Variants in SAMSN1 observed in about 807,000 individuals in gnomAD.
The protein encoded by SAMSN1 is SAM domain, SH3 domain and nuclear localization signals 1.
In SAMSN1, 31 loss-of-function variants were observed where a neutral mutation model predicts 42.0. The ratio of observed to expected loss-of-function variants is 0.74; its 90% CI spans 0.55 to 1.00. The LOEUF is 1.00. Among genes scored for constraint, SAMSN1 ranks in the 50% least tolerant of loss-of-function variants. The pLI is 0.00. For missense variants in SAMSN1, 464 were observed against 439.4 expected (o/e 1.06, Z -0.50); for synonymous variants, 178 against 151.9 (o/e 1.17, Z -1.26).
At chr21:14,509,127 C>G (rs145251845) in intron 5 of SAMSN1, among the ~76,000 whole-genome samples, 5 of 138,262 alleles carry the variant, frequency 3.6e-5, no homozygotes, top group Admixed American at 7.2e-5. Flanking sequence ...AAGAAAAAAA[C>G]AAAAGAAAAG....
intron 1 of SAMSN1, among the ~76,000 whole-genome samples, chr21:14,534,277 T>C (rs899038143): frequency 1.3e-5 from 2 of 152,152 alleles, no homozygotes; most frequent in Admixed American, 6.5e-5. Flanking sequence ...GTGGCCAAAG[T>C]GTTATAAAAA....
At chr21:14,521,709 G>T (rs115215748) in intron 1 of SAMSN1, among the ~76,000 whole-genome samples, 9 of 152,052 alleles carry the variant, frequency 5.9e-5, no homozygotes, top group African/African-American at 2.2e-4. Flanking sequence ...TGGGGCCTGT[G>T]GGGTGGAGGG....
At chr21:14,537,507 A>C (rs1253408999) in intron 1 of SAMSN1, among the ~76,000 whole-genome samples, 1 of 152,162 alleles carries the variant, frequency 6.6e-6, no homozygotes, top group African/African-American at 2.4e-5. Flanking sequence ...TGTATTGTCC[A>C]TAATAAGCAT....
chr21:14,566,606 T>G (rs1416056739), intron 2 of SAMSN1, among the ~76,000 whole-genome samples: 1 of 152,108 alleles, frequency 6.6e-6, no homozygotes, highest in Non-Finnish European at 1.5e-5. Context: ...GGTATGATTT[T>G]GGCTCACTAC....
intron 1 of SAMSN1, among the ~76,000 whole-genome samples, chr21:14,648,694 G>A (rs1983768214): frequency 1.3e-5 from 2 of 151,102 alleles, no homozygotes; most frequent in Non-Finnish European, 3.0e-5. Flanking sequence ...GGCCATCAGA[G>A]AAATGCAAAT....
chr21:14,636,841 G>A (rs527717739), intron 2 of SAMSN1, among the ~76,000 whole-genome samples: 7 of 152,138 alleles, frequency 4.6e-5, no homozygotes, highest in African/African-American at 1.4e-4. Flanking sequence ...TCCAGCCTGG[G>A]CGACAGAGCG....
chr21:14,643,927 A>G (rs921799717), intron 1 of SAMSN1, among the ~76,000 whole-genome samples: 1 of 152,162 alleles, frequency 6.6e-6, no homozygotes, highest in African/African-American at 2.4e-5. Context: ...GAAGAAAGAA[A>G]ACCCAGACCA....
At chr21:14,643,774 G>C (rs1983651291) in intron 1 of SAMSN1, among the ~76,000 whole-genome samples, 1 of 152,180 alleles carries the variant, frequency 6.6e-6, no homozygotes, top group Non-Finnish European at 1.5e-5. Context: ...GCACTGAAGA[G>C]ATAGAAAAAA....
Position 14,553,046 on chromosome 21 carries a change from TA to T in SAMSN1, c.261+29089del, listed in dbSNP as rs879826697. 4.3e-3 allele frequency among the ~76,000 whole-genome samples: 646 copies of T among 150,038 alleles called. 6 individuals are homozygous for T. The highest frequency in any genetic ancestry group is 7.2e-3 in the African/African-American group (294 of 41,068). ...CTCTTTTTCTGATCCTTCCAATATT[TA>T]AAAAAAAAATGTTTCTAGTTGGTTA... On this transcript the variant is annotated intron_variant, in intron 2 of 8. Coordinates refer to the SAMSN1 transcript ENST00000285670.
At chr21:14,541,520 T>G (rs13051162) in intron 1 of SAMSN1, among the ~76,000 whole-genome samples, 81,904 of 151,574 alleles carry the variant, frequency 0.54, 22,489 homozygotes, top group East Asian at 0.78. Flanking sequence ...TTGTGGTTTT[T>G]TTTGTTTGTT....
chr21:14,587,298 A>G (rs1981947089), upstream of SAMSN1, among the ~76,000 whole-genome samples: 1 of 151,946 alleles, frequency 6.6e-6, no homozygotes, highest in Non-Finnish European at 1.5e-5. Flanking sequence ...AATCTATCTC[A>G]TCTATCAGCT....
chr21:14,559,242 CAT>C (rs1203226904), intron 2 of SAMSN1, among the ~76,000 whole-genome samples: 1 of 151,638 alleles, frequency 6.6e-6, no homozygotes, highest in Non-Finnish European at 1.5e-5. Context: ...ATCAGTATGT[CAT>C]GTGGTTCATG....
At chr21:14,489,872 A>T (rs1212893708) in intron 7 of SAMSN1, among the ~76,000 whole-genome samples, 2 of 152,160 alleles carry the variant, frequency 1.3e-5, no homozygotes, top group Non-Finnish European at 2.9e-5. Context: ...TAATATAATT[A>T]TTCACAAAAT....
chr21:14,601,254 C>G (rs1489134373), intron 6 of SAMSN1, among the ~76,000 whole-genome samples: 1 of 152,136 alleles, frequency 6.6e-6, no homozygotes, highest in African/African-American at 2.4e-5. Flanking sequence ...TCAGAGCAGT[C>G]AGCAGAAACT....
At chr21:14,510,566 G>A in intron 4 of SAMSN1, 105 bp from the exon 5 acceptor site, 1 of 1,305,556 alleles carries the variant, frequency 7.7e-7, no homozygotes, top group Non-Finnish European at 1.1e-6. Flanking sequence ...TGGATGCCAG[G>A]CTCCTGAGGA....
At chr21:14,596,698 C>T (rs1015503897) in intron 6 of SAMSN1, among the ~76,000 whole-genome samples, 5 of 152,062 alleles carry the variant, frequency 3.3e-5, no homozygotes, top group Non-Finnish European at 7.4e-5. Context: ...GGGACCTATC[C>T]CTGCAGTCAA....
At chr21:14,520,153 G>T (rs540607709) in intron 2 of SAMSN1, among the ~76,000 whole-genome samples, 4 of 152,082 alleles carry the variant, frequency 2.6e-5, no homozygotes, top group Non-Finnish European at 4.4e-5. Context: ...AAATTATTAC[G>T]TAAACTTTAT....
upstream of SAMSN1, among the ~76,000 whole-genome samples, chr21:14,548,234 G>T (rs1198432309): frequency 6.6e-6 from 1 of 152,112 alleles, no homozygotes; most frequent in African/African-American, 2.4e-5. Flanking sequence ...TTAGTACATG[G>T]TAGAGTTTTG....
intron 1 of SAMSN1, among the ~76,000 whole-genome samples, chr21:14,649,370 A>G (rs1983785063): frequency 6.6e-6 from 1 of 152,046 alleles, no homozygotes; most frequent in Non-Finnish European, 1.5e-5. Flanking sequence ...ACATGTATAC[A>G]TATGTAACTA....
Sources: gnomAD v4.1 joint callset for allele counts (sites outside exome capture counted in the v4.1 genomes callset) on GRCh38, gnomAD v4.1.1 for gene constraint, MANE v1.5 for transcripts, NCBI Gene and HGNC (gene_info 2026-07-23, HGNC 2026-07-21) for gene names.